The following CAVIN1 variants were observed in gnomAD, a reference collection of about 807,000 sequenced individuals.
CAVIN1 encodes caveolae associated protein 1.
A neutral mutation model predicts 24.0 loss-of-function variants in CAVIN1; 16 were observed. The observed-to-expected ratio is 0.67, with a 90% confidence interval of 0.45 to 1.01. The LOEUF is 1.01. Ranked by LOEUF, CAVIN1 falls within the 50% of genes least tolerant of loss-of-function variation. CAVIN1 has a pLI of 0.00. For synonymous variants in CAVIN1, 256 were observed against 256.4 expected, an observed-to-expected ratio of 1.00 and a Z score of 0.02; for missense variants, 510 against 551.7, an observed-to-expected ratio of 0.92 and a Z score of 0.76.
Position 42,411,696 on chromosome 17 carries a change from A to C in CAVIN1, c.472-6308T>G, listed in dbSNP as rs552405360. 4 of 985,438 alleles carry C rather than the reference A, an allele frequency of 4.1e-6. No homozygotes were observed. In the African/African-American group the frequency reaches 7.0e-5, roughly 17 times the overall value. 61.0% of individuals were successfully genotyped at this position (985,438 alleles called of 1,614,324 possible). On this transcript the variant is annotated intron_variant, in intron 1 of 1. Coordinates refer to ENST00000357037, the MANE Select transcript of CAVIN1 (RefSeq NM_012232.6). ...CCTCTCCAAAGAGGCTTTGAGCCAA[A>C]CTGGGTTGTCCCTCAGGAGGAGGCA... is the stretch of plus-strand genomic sequence containing the variant.
intron 1 of CAVIN1, among the ~76,000 whole-genome samples, chr17:42,413,041 C>G (rs1323468122): frequency 6.6e-6 from 1 of 152,016 alleles, no homozygotes; most frequent in Non-Finnish European, 1.5e-5. Context: ...AAGCGATTCT[C>G]CTGCCTCAGC....
At position 42,406,072 on chromosome 17, in the gene CAVIN1, G is replaced by A. The variant is rs145929080; in HGVS notation, c.472-684C>T. 6.4e-4 allele frequency among the ~76,000 whole-genome samples: 98 copies of A among 152,298 alleles called. No homozygotes were observed. In the Middle Eastern group the frequency reaches 0.01, roughly 16 times the overall value. Reference sequence around the variant, plus strand: ...GGAGCAGGGGACCAAACTTCGGGTCGGAGATGGGGTTGCGTAATAATTGCA... The same window carrying A: ...GGAGCAGGGGACCAAACTTCGGGTCAGAGATGGGGTTGCGTAATAATTGCA... On this transcript the variant is annotated intron_variant, in intron 1 of 1. Coordinates refer to ENST00000357037, the MANE Select transcript of CAVIN1 (RefSeq NM_012232.6).
chr17:42,419,338 G>T (rs2085531549), intron 1 of CAVIN1, among the ~76,000 whole-genome samples: 1 of 151,368 alleles, frequency 6.6e-6, no homozygotes, highest in African/African-American at 2.4e-5. Flanking sequence ...TTTTGAGATG[G>T]AGTCTCACTC....
chr17:42,413,601 A>C, intron 1 of CAVIN1, among the ~76,000 whole-genome samples: 1 of 130,938 alleles, frequency 7.6e-6, no homozygotes, highest in African/African-American at 2.8e-5. Context: ...AAAAAAAAAG[A>C]GGTCCCTGGG....
chr17:42,415,241 AG>A (rs1401062328), intron 1 of CAVIN1, among the ~76,000 whole-genome samples: 2 of 152,030 alleles, frequency 1.3e-5, no homozygotes, highest in Non-Finnish European at 2.9e-5. Flanking sequence ...GAACGGAAGG[AG>A]GGGGTGGGGA....
chr17:42,418,883 C>T (rs1180152780), intron 1 of CAVIN1, among the ~76,000 whole-genome samples: 1 of 141,058 alleles, frequency 7.1e-6, no homozygotes, highest in Non-Finnish European at 1.6e-5. Flanking sequence ...AAAAATAAAG[C>T]CTTTTAAGTT....
Position 42,404,972 on chromosome 17 carries a change from C to T in CAVIN1, c.888G>A (p.Lys296=), listed in dbSNP as rs765274312. 1.9e-6 allele frequency: 3 copies of T among 1,614,160 alleles called. No homozygotes were observed. The highest frequency in any genetic ancestry group is 2.7e-5 in the African/African-American group (2 of 75,060). The change falls in exon 2 of 2, where the codon AAG becomes AAA. Residue 296 remains lysine, a synonymous_variant. Transcript: ENST00000357037. The stretch of plus-strand genomic sequence containing the variant: ...GGTCGGGCGTGAAGGATTTGCGCAA[C>T]TTGTCCCGCGACGTCTTCAGTTTCT... ...RREKLKTSRD[K]LRKSFTPDHV... is the part of the protein sequence containing the mutation.
intron 1 of CAVIN1, among the ~76,000 whole-genome samples, chr17:42,419,779 T>G (rs147289312): frequency 6.6e-5 from 10 of 152,284 alleles, no homozygotes; most frequent in East Asian, 3.9e-4. Context: ...TGCTAGGTTT[T>G]GTTTGGGAGA....
chr17:42,414,928 A>AC (rs2085502916), intron 1 of CAVIN1, among the ~76,000 whole-genome samples: 1 of 84,688 alleles, frequency 1.2e-5, no homozygotes, highest in African/African-American at 4.6e-5. Flanking sequence ...CCTCCCCAAC[A>AC]CCCCTCCTTT....
intron 1 of CAVIN1, 37 bp downstream of exon 1, chr17:42,422,590 G>C: frequency 1.3e-6 from 2 of 1,500,722 alleles, no homozygotes; most frequent in Non-Finnish European, 1.8e-6. Flanking sequence ...CGGGCCGGGC[G>C]CGGGAGCTCT....
intron 1 of CAVIN1, among the ~76,000 whole-genome samples, chr17:42,417,832 T>A (rs141003846): frequency 1.3e-5 from 2 of 152,190 alleles, no homozygotes; most frequent in African/African-American, 4.8e-5. Flanking sequence ...CTAATTTTTG[T>A]ATTTTTATTT....
intron 1 of CAVIN1, chr17:42,411,516 C>A: frequency 2.0e-6 from 2 of 985,264 alleles, no homozygotes; most frequent in Middle Eastern, 5.2e-4. Flanking sequence ...CTTTTGGGCA[C>A]CCCACCCAAG....
At chr17:42,410,554 T>A (rs1291618646) in intron 1 of CAVIN1, among the ~76,000 whole-genome samples, 1 of 152,118 alleles carries the variant, frequency 6.6e-6, no homozygotes, top group Non-Finnish European at 1.5e-5. Flanking sequence ...CCACAGTACA[T>A]AAACAGATAT....
rs918886417 is a variant in CAVIN1, at chr17:42,406,045, C to T, written c.472-657G>A. On this transcript the variant is annotated intron_variant, in intron 1 of 1. Coordinates refer to ENST00000357037, the MANE Select transcript of CAVIN1 (RefSeq NM_012232.6). ...GAACGAATGGTGACTAAACAGACCG[C>T]GGGAGCAGGGGACCAAACTTCGGGT... Among the ~76,000 whole-genome samples, 3 of 152,136 alleles carry T rather than the reference C, an allele frequency of 2.0e-5. No individual in the cohort carries two copies. The East Asian group carries it at 5.8e-4, about 29-fold the overall frequency.
At chr17:42,416,782 A>G (rs959581613) in intron 1 of CAVIN1, among the ~76,000 whole-genome samples, 1 of 151,982 alleles carries the variant, frequency 6.6e-6, no homozygotes. Context: ...GGTTTTAGGG[A>G]TGAAAGGGAC....
intron 1 of CAVIN1, among the ~76,000 whole-genome samples, chr17:42,416,802 G>C (rs1192742955): frequency 6.6e-6 from 1 of 152,028 alleles, no homozygotes; most frequent in African/African-American, 2.4e-5. Flanking sequence ...CCAAAGCCCT[G>C]GGTTGAGAAT....
Position 42,404,685 on chromosome 17 carries a change from G to A in CAVIN1, c.*2C>T, listed in dbSNP as rs751888942. ...AATGGGGTGGGTGGCAGCGGGGGCGGCTCAGTCGCTGTCGCTCTTGTCCAC... is the reference window on the plus strand; with the variant it reads ...AATGGGGTGGGTGGCAGCGGGGGCGACTCAGTCGCTGTCGCTCTTGTCCAC... On this transcript the variant is annotated 3_prime_UTR_variant, in exon 2 of 2. Coordinates refer to ENST00000357037, the MANE Select transcript of CAVIN1 (RefSeq NM_012232.6). 2.8e-6 allele frequency: 4 copies of A among 1,448,746 alleles called. No homozygotes were observed. Among genetic ancestry groups the A allele is most frequent in the East Asian group, 2.6e-5 (1 of 38,490 alleles). 89.7% of individuals were successfully genotyped at this position (1,448,746 alleles called of 1,614,324 possible). A position where few individuals can be genotyped will look rare whatever the true frequency, so the allele number is the denominator to read the frequency against.
intron 1 of CAVIN1, chr17:42,411,860 C>A: frequency 2.0e-6 from 2 of 985,378 alleles, no homozygotes; most frequent in South Asian, 9.4e-5. Flanking sequence ...CCTCCCATCC[C>A]CACTGTATAC....
chr17:42,422,596 G>T, intron 1 of CAVIN1, 31 bp downstream of exon 1: 1 of 1,520,254 alleles, frequency 6.6e-7, no homozygotes, highest in Non-Finnish European at 8.9e-7. Context: ...GGGCGCGGGA[G>T]CTCTGGGCGC....
Sources: gnomAD v4.1 joint callset for allele counts (sites outside exome capture counted in the v4.1 genomes callset) on GRCh38, gnomAD v4.1.1 for gene constraint, MANE v1.5 for transcripts, NCBI Gene and HGNC (gene_info 2026-07-23, HGNC 2026-07-21) for gene names.